The following GLIS3 variants were observed in gnomAD, a reference collection of about 807,000 sequenced individuals.
The protein encoded by GLIS3 is zinc finger protein GLIS3.
In GLIS3, 53 loss-of-function variants were observed where a neutral mutation model predicts 78.6. The ratio of observed to expected loss-of-function variants is 0.67; its 90% confidence interval spans 0.54 to 0.85. GLIS3 has a LOEUF of 0.85. Among genes scored for constraint, GLIS3 ranks in the 40% least tolerant of loss-of-function variants. The probability of loss-of-function intolerance (pLI) is 0.00; values close to 1 mark genes in which losing one functional copy is unlikely to be tolerated. For missense variants in GLIS3, 1,703 were observed against 1,231.1 expected (o/e 1.38, Z -5.74); for synonymous variants, 684 against 509.9 (o/e 1.34, Z -4.60).
the GLIS3 span, among the ~76,000 whole-genome samples, chr9:4,482,139 A>G: frequency 1.3e-5 from 2 of 152,226 alleles, no homozygotes; most frequent in African/African-American, 2.4e-5. Flanking sequence ...TTACTTGGTC[A>G]AGGACATACA....
rs554565650 is a variant in GLIS3 at position 3,920,216 on chromosome 9, G to T, written c.1983+12144C>A. Among the ~76,000 whole-genome samples, 6 of 152,124 alleles carry T rather than the reference G, an allele frequency of 3.9e-5. No individual in the cohort carries two copies. The East Asian group carries it at 9.7e-4, about 25-fold the overall frequency. Reference sequence around the variant, plus strand: ...GACGGGGTTTCTCCGTGTTAGCCAGGATGGTCTCAATCTCCTGACCTCGTG... The same window carrying T: ...GACGGGGTTTCTCCGTGTTAGCCAGTATGGTCTCAATCTCCTGACCTCGTG... On this transcript the variant is annotated intron_variant, in intron 6 of 10. Coordinates refer to ENST00000381971, the MANE Select transcript of GLIS3 (RefSeq NM_001042413.2).
At chr9:4,401,590 C>T in the GLIS3 span, among the ~76,000 whole-genome samples, 10 of 131,144 alleles carry the variant, frequency 7.6e-5, no homozygotes, top group African/African-American at 2.5e-4. Flanking sequence ...TTTTTTGCAA[C>T]AGAGTCTCAC....
chr9:4,454,036 A>G, the GLIS3 span, among the ~76,000 whole-genome samples: 1 of 151,978 alleles, frequency 6.6e-6, no homozygotes, highest in Admixed American at 6.6e-5. Flanking sequence ...AGAAAAGAAA[A>G]CATCTTTACT....
intron 2 of GLIS3, among the ~76,000 whole-genome samples, chr9:4,236,292 CT>C (rs1822747826): frequency 6.6e-6 from 1 of 151,196 alleles, no homozygotes; most frequent in South Asian, 2.1e-4. Context: ...CCTGAATGAT[CT>C]CATGCCCTAA....
At chr9:4,250,620 G>A (rs1395210057) in intron 2 of GLIS3, among the ~76,000 whole-genome samples, 1 of 152,078 alleles carries the variant, frequency 6.6e-6, no homozygotes, top group Non-Finnish European at 1.5e-5. Context: ...CTTCAGTTCT[G>A]CTCTGATCTT....
chr9:4,344,100 C>T (rs1180367745), intron 2 of GLIS3, among the ~76,000 whole-genome samples: 4 of 152,158 alleles, frequency 2.6e-5, no homozygotes, highest in Admixed American at 6.5e-5. Context: ...AATAAACACA[C>T]AGAATTCCAT....
At chr9:4,331,844 G>A (rs1305091229) in intron 2 of GLIS3, among the ~76,000 whole-genome samples, 3 of 152,122 alleles carry the variant, frequency 2.0e-5, no homozygotes, top group African/African-American at 4.8e-5. Context: ...GAGAACACAT[G>A]AACAAAGGCC....
At chr9:4,281,234 C>T (rs148568014) in intron 2 of GLIS3, among the ~76,000 whole-genome samples, 6 of 152,324 alleles carry the variant, frequency 3.9e-5, no homozygotes, top group South Asian at 4.1e-4. Context: ...ACCCGTTCCA[C>T]GTTGATTTTC....
rs1351501845 is a variant in GLIS3, at chr9:3,919,549, G to A, written c.1983+12811C>T. Among the ~76,000 whole-genome samples the A allele has an allele frequency of 2.0e-5, 3 of 151,122 alleles. No individual in the cohort carries two copies. The East Asian group carries it at 5.8e-4, about 29-fold the overall frequency. The stretch of plus-strand genomic sequence containing the variant: ...TAATAGGTAGTATGCTTAATACCCG[G>A]GCAACAAAATAATCTGTACAACAAA... On this transcript the variant is annotated intron_variant, in intron 6 of 10. Transcript: ENST00000381971.
At chr9:4,153,355 G>T (rs1443299043) in intron 2 of GLIS3, among the ~76,000 whole-genome samples, 1 of 152,210 alleles carries the variant, frequency 6.6e-6, no homozygotes, top group Non-Finnish European at 1.5e-5. Context: ...TTTGAGGTCA[G>T]GAGTTCAAGA....
At chr9:4,323,403 ACTTG>A (rs1174115600) in intron 2 of GLIS3, among the ~76,000 whole-genome samples, 1 of 152,116 alleles carries the variant, frequency 6.6e-6, no homozygotes, top group Non-Finnish European at 1.5e-5. Context: ...AGTCTCTAGA[ACTTG>A]CTTTTTTCCA....
At chr9:4,302,283 AG>A (rs1817107834), upstream of GLIS3, among the ~76,000 whole-genome samples, 1 of 152,208 alleles carries the variant, frequency 6.6e-6, no homozygotes, top group South Asian at 2.1e-4. Context: ...TGGGAACTGC[AG>A]CCCAGTCAGT....
chr9:4,181,844 C>T (rs1817353769), intron 2 of GLIS3, among the ~76,000 whole-genome samples: 1 of 152,148 alleles, frequency 6.6e-6, no homozygotes, highest in Admixed American at 6.6e-5. Flanking sequence ...AGACCCCGTT[C>T]CAATTATCCA....
At chr9:4,221,937 C>T (rs1821363383) in intron 2 of GLIS3, among the ~76,000 whole-genome samples, 1 of 152,186 alleles carries the variant, frequency 6.6e-6, no homozygotes, top group African/African-American at 2.4e-5. Context: ...GTCTGGGCTC[C>T]ATCCTATGTA....
the GLIS3 span, among the ~76,000 whole-genome samples, chr9:4,368,371 G>C: frequency 6.7e-6 from 1 of 148,316 alleles, no homozygotes; most frequent in Admixed American, 6.7e-5. Flanking sequence ...CGGAGTCTGA[G>C]TCTCGCTCTG....
At chr9:4,396,263 C>T in the GLIS3 span, among the ~76,000 whole-genome samples, 2 of 152,176 alleles carry the variant, frequency 1.3e-5, no homozygotes, top group Admixed American at 6.5e-5. Context: ...CAGGCATCCA[C>T]CACTATGCCT....
Position 4,250,856 on chromosome 9 carries a change from A to C in GLIS3, c.388+35182T>G, listed in dbSNP as rs1824304068. On this transcript the variant is annotated intron_variant, in intron 2 of 10. Transcript: ENST00000381971. ...CAAAGAAATTATTTATTTCTGCCTT[A>C]ATTTCGTTATTTACCCAGTAGTCAT... is the stretch of plus-strand genomic sequence containing the variant. Among the ~76,000 whole-genome samples, 4 of 152,098 alleles carry C rather than the reference A, an allele frequency of 2.6e-5. No homozygotes were observed. The South Asian group carries it at 6.2e-4, about 24-fold the overall frequency.
chr9:4,465,978 A>AACAGAAAAACAAT, the GLIS3 span, among the ~76,000 whole-genome samples: 9 of 152,230 alleles, frequency 5.9e-5, no homozygotes, highest in Non-Finnish European at 1.3e-4. Flanking sequence ...TGGCCCACAA[A>AACAGAAAAACAAT]ACAGAAAAAC....
intron 9 of GLIS3, among the ~76,000 whole-genome samples, chr9:3,840,553 G>A (rs145676362): frequency 7.7e-4 from 117 of 152,280 alleles, no homozygotes; most frequent in African/African-American, 2.6e-3. Flanking sequence ...AGCTATTTAC[G>A]ACTGACATTT....
Sources: gnomAD v4.1 joint callset for allele counts (sites outside exome capture counted in the v4.1 genomes callset) on GRCh38, gnomAD v4.1.1 for gene constraint, MANE v1.5 for transcripts, NCBI Gene and HGNC (gene_info 2026-07-23, HGNC 2026-07-21) for gene names.